UBAP1: variants seen among roughly 807,000 people sequenced by gnomAD.
UBAP1 encodes the protein ubiquitin associated protein 1.
In UBAP1, 5 loss-of-function variants were observed where a neutral mutation model predicts 39.0. The observed-to-expected ratio is 0.13, with a 90% CI of 0.07 to 0.27. UBAP1 has a LOEUF of 0.27. UBAP1 is among the 10% of genes least tolerant of loss of function. The pLI, the probability that UBAP1 is intolerant of heterozygous loss-of-function variation, is 1.00. For missense variants in UBAP1, 490 were observed against 608.1 expected, an observed-to-expected ratio of 0.81 and a Z score of 2.04; for synonymous variants, 211 against 225.1, an observed-to-expected ratio of 0.94 and a Z score of 0.56.
At chr9:34,251,285 T>A in intron 6 of UBAP1, 107 bp from the exon 7 acceptor site, 2 of 1,221,240 alleles carry the variant, frequency 1.6e-6, no homozygotes, top group Admixed American at 2.0e-5. Flanking sequence ...GGGAAGGATG[T>A]AGACATTCTG....
rs987997453 is a variant in UBAP1, at chr9:34,203,595, T to G, written c.-7-17313T>G. ...AATAAATTGATAAGCTACAAATATA[T>G]ATTTGTTTCCATTTTATGTGTTGGA... On this transcript the variant is annotated intron_variant, in intron 1 of 6. Transcript: ENST00000297661. Among the ~76,000 whole-genome samples the G allele has an allele frequency of 3.9e-5, 6 of 152,338 alleles. No individual in the cohort carries two copies. In the South Asian group the frequency reaches 1.0e-3, roughly 26 times the overall value.
rs529548575 is a variant in UBAP1, at chr9:34,232,147, A to G, written c.35-2069A>G. Among the ~76,000 whole-genome samples the G allele has an allele frequency of 4.6e-5, 7 of 152,282 alleles. No homozygotes were observed. The South Asian group carries it at 1.2e-3, about 27-fold the overall frequency. On this transcript the variant is annotated intron_variant, in intron 2 of 6. Coordinates refer to ENST00000297661, the MANE Select transcript of UBAP1 (RefSeq NM_016525.5). ...GTAGCTGGGACTACAGGCGTGTGCC[A>G]CTACGCCCGGTGCAGTTTTGTATTT...
At chr9:34,215,428 C>A (rs1328510727) in intron 1 of UBAP1, among the ~76,000 whole-genome samples, 1 of 151,262 alleles carries the variant, frequency 6.6e-6, no homozygotes, top group Non-Finnish European at 1.5e-5. Flanking sequence ...TAAAGTAACT[C>A]AGGAATGGAA....
chr9:34,228,761 G>GT (rs1179362067), intron 2 of UBAP1, among the ~76,000 whole-genome samples: 2 of 136,396 alleles, frequency 1.5e-5, no homozygotes, highest in African/African-American at 5.2e-5. Context: ...TGTATTTTTA[G>GT]TAGAGACGGG....
intron 1 of UBAP1, among the ~76,000 whole-genome samples, chr9:34,186,627 C>CT: frequency 1.3e-5 from 2 of 152,112 alleles, no homozygotes; most frequent in Middle Eastern, 6.8e-3. Flanking sequence ...AGCTGGGCAT[C>CT]TTTTCATGTA....
At chr9:34,201,725 G>A (rs1831381622) in intron 1 of UBAP1, among the ~76,000 whole-genome samples, 1 of 152,104 alleles carries the variant, frequency 6.6e-6, no homozygotes, top group African/African-American at 2.4e-5. Flanking sequence ...GTGTTCTCCA[G>A]TTCAATGCCG....
At chr9:34,250,909 A>G (rs558448704) in intron 6 of UBAP1, 150 bp downstream of exon 6, 5 of 703,770 alleles carry the variant, frequency 7.1e-6, no homozygotes, top group African/African-American at 5.3e-5. Context: ...CCAAGTATTC[A>G]GACAGGCCGA....
chr9:34,251,125 G>A (rs1834495877), intron 6 of UBAP1, among the ~76,000 whole-genome samples: 1 of 152,214 alleles, frequency 6.6e-6, no homozygotes, highest in South Asian at 2.1e-4. Context: ...GGATGTGGGT[G>A]GTGGGACCCA....
chr9:34,224,892 A>G (rs1832964530), intron 2 of UBAP1, among the ~76,000 whole-genome samples: 1 of 152,182 alleles, frequency 6.6e-6, no homozygotes, highest in Admixed American at 6.5e-5. Context: ...TCTGTGATCC[A>G]TTATTATTCA....
At chr9:34,200,961 G>T (rs1831335836) in intron 1 of UBAP1, among the ~76,000 whole-genome samples, 1 of 152,130 alleles carries the variant, frequency 6.6e-6, no homozygotes, top group Admixed American at 6.5e-5. Context: ...CCAGGCTGGA[G>T]TGTGATGGCG....
intron 1 of UBAP1, among the ~76,000 whole-genome samples, chr9:34,198,181 G>A (rs538925254): frequency 2.0e-5 from 3 of 152,360 alleles, no homozygotes; most frequent in African/African-American, 7.2e-5. Flanking sequence ...GCTGCTCTGT[G>A]ACTTGGGAGG....
rs370582438 is a variant in UBAP1, at chr9:34,202,039, G to T, written c.-7-18869G>T. Among the ~76,000 whole-genome samples the T allele has an allele frequency of 2.6e-5, 4 of 152,272 alleles. No homozygotes were observed. In the East Asian group the frequency reaches 5.8e-4, roughly 22 times the overall value. ...ACTGACTTTCCATATCCTCCCTGGG[G>T]TGTCACCATCCACGAACCTCCGTCC... On this transcript the variant is annotated intron_variant, in intron 1 of 6. Coordinates refer to ENST00000297661, the MANE Select transcript of UBAP1 (RefSeq NM_016525.5).
At chr9:34,247,335 T>C (rs556495747) in intron 4 of UBAP1, among the ~76,000 whole-genome samples, 34 of 152,328 alleles carry the variant, frequency 2.2e-4, no homozygotes, top group African/African-American at 8.2e-4. Context: ...TACTTTTAAA[T>C]CATCCATTTA....
chr9:34,179,848 A>C (rs577167114), intron 1 of UBAP1, among the ~76,000 whole-genome samples: 1 of 152,108 alleles, frequency 6.6e-6, no homozygotes, highest in Non-Finnish European at 1.5e-5. Context: ...GTGGAACGTC[A>C]GGTTCATTTA....
chr9:34,187,700 G>A (rs1274315404), intron 1 of UBAP1, among the ~76,000 whole-genome samples: 1 of 151,196 alleles, frequency 6.6e-6, no homozygotes, highest in East Asian at 1.9e-4. Flanking sequence ...ACAGAGGAAT[G>A]TATTTTGCTT....
chr9:34,240,777 G>A (rs1227620214), intron 3 of UBAP1, among the ~76,000 whole-genome samples: 1 of 152,178 alleles, frequency 6.6e-6, no homozygotes, highest in Non-Finnish European at 1.5e-5. Context: ...ATCCTGTTAA[G>A]TAGGAATAAT....
rs1043602218 is a variant in UBAP1, at chr9:34,234,297, G to A, written c.116G>A (p.Gly39Asp). Residue 39 changes from glycine to aspartate, a missense_variant, in exon 3 of 7, where the codon GGC becomes GAC. Gly to Asp is a moderately conservative substitution (Grantham distance 94). Around this residue, in one of 3 missense-constraint regions of UBAP1, gnomAD observed 144 missense variants for 184.4 expected, o/e 0.78. Coordinates refer to ENST00000297661, the MANE Select transcript of UBAP1 (RefSeq NM_016525.5). ...CCAGCTAAAGTTGGTCTACCTATTG[G>A]CTTCTCCTTGCCTGATTGTTTGCAG... Reference protein sequence around the residue: ...KTPAKVGLPIGFSLPDCLQVV... With the variant: ...KTPAKVGLPIDFSLPDCLQVV... 6.2e-7 allele frequency: 1 copy of A among 1,612,646 alleles called. No individual in the cohort carries two copies. The highest frequency in any genetic ancestry group is 8.5e-7 in the Non-Finnish European group (1 of 1,179,748).
chr9:34,180,317 C>T (rs1829943972), intron 1 of UBAP1, among the ~76,000 whole-genome samples: 1 of 151,956 alleles, frequency 6.6e-6, no homozygotes, highest in Non-Finnish European at 1.5e-5. Context: ...GAGTTCAAGA[C>T]CAGCCTGACC....
chr9:34,235,504 A>G (rs1052189284), intron 3 of UBAP1, among the ~76,000 whole-genome samples: 1 of 151,906 alleles, frequency 6.6e-6, no homozygotes, highest in African/African-American at 2.4e-5. Context: ...ATGCCTGGCT[A>G]ATTTTTTGTA....
Sources: allele counts gnomAD v4.1 joint callset (sites outside exome capture counted in the v4.1 genomes callset), GRCh38; gene constraint gnomAD v4.1.1; regional missense constraint gnomAD v4.1.1; transcripts MANE v1.5; gene names NCBI Gene and HGNC (gene_info 2026-07-23, HGNC 2026-07-21).